Variants in MYO9A observed in about 807,000 individuals in gnomAD.
MYO9A encodes myosin IXA.
In MYO9A, 103 loss-of-function variants were observed where a neutral mutation model predicts 293.3. That is an observed-to-expected ratio of 0.35 (90% CI 0.30 to 0.41). MYO9A has a LOEUF of 0.41. MYO9A is among the 10% of genes least tolerant of loss of function. MYO9A has a pLI of 1.00. For synonymous variants in MYO9A, 1,001 were observed against 1,035.7 expected (o/e 0.97, Z 0.64); for missense variants, 2,685 against 3,033.0 (o/e 0.89, Z 2.69).
chr15:72,023,972 A>G (rs922698572), intron 4 of MYO9A, among the ~76,000 whole-genome samples: 1 of 133,780 alleles, frequency 7.5e-6, no homozygotes, highest in Non-Finnish European at 1.7e-5. Context: ...GAATCCTAAC[A>G]TAAGATTAAC....
chr15:72,032,692 A>G (rs1162414307), intron 2 of MYO9A, 104 bp from the exon 3 acceptor site: 6 of 617,792 alleles, frequency 9.7e-6, no homozygotes, highest in African/African-American at 1.9e-5. Context: ...ACAAAATGTT[A>G]AAGAGACAGT....
Position 72,007,891 on chromosome 15 carries a change from A to G in MYO9A, c.1315T>C (p.Tyr439His). The G allele has an allele frequency of 6.2e-7, 1 of 1,613,216 alleles. No homozygotes were observed. The highest frequency in any genetic ancestry group is 8.5e-7 in the Non-Finnish European group (1 of 1,179,462). The change falls in exon 8 of 42, where the codon TAC (tyrosine) becomes CAC (histidine). Residue 439 changes from tyrosine (Y) to histidine (H), a missense_variant. By Grantham distance (83) the Tyr-to-His change is moderately conservative (BLOSUM62 2). Transcript: ENST00000356056. ...CAGATATCAATGGAGTCATCCCGGT[A>G]TGTCTTCTTTTTGTAACAGATATTA... ...LGNICYKKKT[Y>H]RDDSIDICNP...
intron 6 of MYO9A, among the ~76,000 whole-genome samples, chr15:72,014,489 C>T (rs996449392): frequency 3.9e-5 from 6 of 152,112 alleles, no homozygotes; most frequent in African/African-American, 1.4e-4. Flanking sequence ...AGTTCAAGAC[C>T]AGCCTGGCCA....
At chr15:72,036,665 T>C (rs992070051) in intron 2 of MYO9A, 5 of 152,190 alleles carry the variant, frequency 3.3e-5, no homozygotes, top group African/African-American at 1.2e-4. Context: ...TATCTGGCAT[T>C]TCCCTGGAAA....
intron 19 of MYO9A, among the ~76,000 whole-genome samples, chr15:71,905,577 G>C (rs200122998): frequency 2.0e-5 from 3 of 152,090 alleles, no homozygotes; most frequent in East Asian, 3.9e-4. Context: ...CCTGAGGTCA[G>C]AAGTTTGAGA....
At chr15:72,070,101 C>T (rs1325826564) in intron 1 of MYO9A, among the ~76,000 whole-genome samples, 5 of 145,508 alleles carry the variant, frequency 3.4e-5, no homozygotes, top group Non-Finnish European at 6.0e-5. Flanking sequence ...TGCACTCCAA[C>T]CTGGGTGACA....
intron 32 of MYO9A, among the ~76,000 whole-genome samples, chr15:71,870,819 T>C (rs2056486852): frequency 6.6e-6 from 1 of 152,222 alleles, no homozygotes; most frequent in Non-Finnish European, 1.5e-5. Flanking sequence ...CAAGTTTGTT[T>C]TTTGGAACTT....
Position 71,898,014 on chromosome 15 carries a change from T to C in MYO9A, c.4489A>G (p.Lys1497Glu), listed in dbSNP as rs1355444706. The C allele has an allele frequency of 6.2e-7, 1 of 1,614,158 alleles. No homozygotes were observed. The highest frequency in any genetic ancestry group is 8.5e-7 in the Non-Finnish European group (1 of 1,180,040). The change falls in exon 25 of 42, where the codon AAG becomes GAG. Residue 1497 changes from lysine to glutamate, a missense_variant. Coordinates refer to ENST00000356056, the MANE Select transcript of MYO9A (RefSeq NM_006901.4). ...TGCAACTGTTTTTGCCTTTCTTCCT[T>C]CTCAGTGTTTAGCTTTTCTAACTTC... ...LKKLEKLNTEKEERQKQLQQQ... is the reference protein window; with the variant it reads ...LKKLEKLNTEEEERQKQLQQQ...
At chr15:72,072,226 G>C (rs2079215897) in intron 1 of MYO9A, among the ~76,000 whole-genome samples, 1 of 151,806 alleles carries the variant, frequency 6.6e-6, no homozygotes, top group Non-Finnish European at 1.5e-5. Context: ...CCGCCTCCCA[G>C]GTTCATGCCA....
At chr15:72,049,441 C>T (rs2078488223) in intron 1 of MYO9A, among the ~76,000 whole-genome samples, 1 of 152,142 alleles carries the variant, frequency 6.6e-6, no homozygotes. Flanking sequence ...TGGCATCTGG[C>T]AGCAGTCAGC....
chr15:71,945,067 T>A (rs1333852976), intron 15 of MYO9A, among the ~76,000 whole-genome samples: 1 of 152,204 alleles, frequency 6.6e-6, no homozygotes, highest in East Asian at 1.9e-4. Context: ...CCACTGCATA[T>A]TAAATTACTC....
chr15:71,883,682 C>A lies in MYO9A; in HGVS notation c.5310G>T (p.Lys1770Asn), dbSNP rs538540645. 7 of 1,613,438 alleles carry A rather than the reference C, an allele frequency of 4.3e-6. No individual in the cohort carries two copies. The African/African-American group carries it at 8.0e-5, about 18-fold the overall frequency. Residue 1770 changes from lysine to asparagine, a missense_variant, in exon 28 of 42, where the codon AAG (lysine) becomes AAT (asparagine). Lys to Asn is a moderately conservative substitution (Grantham distance 94). Coordinates refer to ENST00000356056, the MANE Select transcript of MYO9A (RefSeq NM_006901.4). ...GGGTAGTAGGTTTCACTCTGGTAGT[C>A]TTCTTCTCCCCTTGTTTCCCTTTGG... ...FWAKGKQGEK[K>N]TTRVKPTTQS... is the part of the protein sequence containing the mutation.
chr15:71,896,645 T>C (rs1401129741), intron 25 of MYO9A, among the ~76,000 whole-genome samples: 1 of 152,094 alleles, frequency 6.6e-6, no homozygotes, highest in East Asian at 1.9e-4. Flanking sequence ...CCAGGCATGG[T>C]GGCGTGCACC....
chr15:71,911,412 C>T (rs905867816), intron 19 of MYO9A, among the ~76,000 whole-genome samples: 1 of 151,980 alleles, frequency 6.6e-6, no homozygotes, highest in African/African-American at 2.4e-5. Context: ...TTCCTTATAC[C>T]CACAGTTAGA....
In MYO9A at chr15:71,916,398, T is replaced by A. The variant is rs760148984; in HGVS notation, c.2657A>T (p.Lys886Ile). 2 of 1,613,354 alleles carry A rather than the reference T, an allele frequency of 1.2e-6. No individual in the cohort carries two copies. Among genetic ancestry groups the A allele is most frequent in the South Asian group, 2.2e-5 (2 of 90,878 alleles). The change falls in exon 19 of 42, where the codon AAA (lysine) becomes ATA (isoleucine). Residue 886 changes from lysine to isoleucine, a missense_variant. Lys to Ile is a moderately radical substitution (Grantham distance 102, BLOSUM62 -3). Transcript: ENST00000356056. ...KSLLHLHKKK[K>I]PPSISAQFQA... ...AAACTGGGCACTGATGCTGGGAGGTTTTTTCTTCTTGTGTAAATGAAGAAG... is the reference window on the plus strand; with the variant it reads ...AAACTGGGCACTGATGCTGGGAGGTATTTTCTTCTTGTGTAAATGAAGAAG...
intron 1 of MYO9A, among the ~76,000 whole-genome samples, chr15:72,109,806 G>A (rs926830719): frequency 2.0e-5 from 3 of 151,502 alleles, no homozygotes; most frequent in Admixed American, 6.6e-5. Context: ...CAAGAATCAA[G>A]AATCACTTGA....
At chr15:72,100,700 G>T (rs1228967649) in intron 1 of MYO9A, among the ~76,000 whole-genome samples, 1 of 151,066 alleles carries the variant, frequency 6.6e-6, no homozygotes, top group Non-Finnish European at 1.5e-5. Context: ...CCCCGTCTGA[G>T]AAGTGAGGAG....
chr15:72,108,092 T>C (rs1312869533), intron 1 of MYO9A, among the ~76,000 whole-genome samples: 1 of 152,144 alleles, frequency 6.6e-6, no homozygotes, highest in Non-Finnish European at 1.5e-5. Context: ...TCAAAAAAGA[T>C]GCTAAAATTA....
chr15:71,884,449 T>C (rs567879826), intron 27 of MYO9A, among the ~76,000 whole-genome samples: 1 of 152,310 alleles, frequency 6.6e-6, no homozygotes, highest in East Asian at 1.9e-4. Context: ...TTTTCTTTTT[T>C]CTTAAAGAAC....
Sources: gnomAD v4.1 joint callset for allele counts (sites outside exome capture counted in the v4.1 genomes callset) on GRCh38, gnomAD v4.1.1 for gene constraint, MANE v1.5 for transcripts, NCBI Gene and HGNC (gene_info 2026-07-23, HGNC 2026-07-21) for gene names.